The following ME3 variants were observed in gnomAD, a reference collection of about 807,000 sequenced individuals.
ME3 encodes malic enzyme 3, also known as NADP-dependent malic enzyme, mitochondrial.
A neutral mutation model predicts 68.9 loss-of-function variants in ME3; 48 were observed. The observed-to-expected ratio is 0.70, with a 90% CI of 0.55 to 0.89. The LOEUF (loss-of-function observed/expected upper bound fraction) is 0.89. Ranked by LOEUF, ME3 falls within the 40% of genes least tolerant of loss-of-function variation. The pLI is 0.00. For missense variants in ME3, 675 were observed against 797.4 expected (o/e 0.85, Z 1.85); for synonymous variants, 320 against 318.8 (o/e 1.00, Z -0.04).
At chr11:86,574,487 C>A (rs182882517) in intron 2 of ME3, among the ~76,000 whole-genome samples, 1 of 151,984 alleles carries the variant, frequency 6.6e-6, no homozygotes, top group East Asian at 1.9e-4. Flanking sequence ...CACTGAGGCC[C>A]CTCTTCTGCA....
At chr11:86,565,220 CT>C (rs371024118) in intron 2 of ME3, among the ~76,000 whole-genome samples, 113 of 152,170 alleles carry the variant, frequency 7.4e-4, no homozygotes, top group Middle Eastern at 3.4e-3. Flanking sequence ...CACACCCCCC[CT>C]AGGAAACAAG....
chr11:86,598,965 A>G (rs1960095988), intron 2 of ME3, among the ~76,000 whole-genome samples: 1 of 152,220 alleles, frequency 6.6e-6, no homozygotes, highest in Non-Finnish European at 1.5e-5. Flanking sequence ...CACCATCATC[A>G]AAGACAAAAA....
At chr11:86,574,476 A>T (rs569660324) in intron 2 of ME3, among the ~76,000 whole-genome samples, 1 of 150,920 alleles carries the variant, frequency 6.6e-6, no homozygotes, top group Admixed American at 6.6e-5. Context: ...TTTTCTTCTA[A>T]CACTGAGGCC....
At chr11:86,632,274 C>T (rs1944066443) in intron 2 of ME3, among the ~76,000 whole-genome samples, 2 of 151,924 alleles carry the variant, frequency 1.3e-5, no homozygotes, top group South Asian at 4.1e-4. Flanking sequence ...AGGGGCCTCA[C>T]AGTTTGTGGG....
intron 4 of ME3, among the ~76,000 whole-genome samples, chr11:86,529,021 G>GGAGA (rs557608571): frequency 6.6e-6 from 1 of 152,096 alleles, no homozygotes; most frequent in African/African-American, 2.4e-5. Flanking sequence ...CTGAACTGAA[G>GGAGA]GAGAGAGAGA....
At chr11:86,610,651 T>G (rs538907312) in intron 2 of ME3, among the ~76,000 whole-genome samples, 2 of 150,356 alleles carry the variant, frequency 1.3e-5, no homozygotes, top group African/African-American at 2.4e-5. Flanking sequence ...GTAGTTCTCT[T>G]TTGGGCTGTG....
At chr11:86,470,365 C>A (rs1594083829) in intron 7 of ME3, among the ~76,000 whole-genome samples, 3 of 152,252 alleles carry the variant, frequency 2.0e-5, no homozygotes, top group Non-Finnish European at 4.4e-5. Flanking sequence ...TCAGTTGTCA[C>A]CCAATGGAAA....
intron 6 of ME3, 91 bp downstream of exon 6, chr11:86,497,872 G>C: frequency 2.2e-6 from 3 of 1,378,700 alleles, no homozygotes; most frequent in South Asian, 2.8e-5. Flanking sequence ...GCCCATTGCT[G>C]TGTAGATATA....
At chr11:86,481,757 G>C (rs1951422793) in intron 7 of ME3, among the ~76,000 whole-genome samples, 2 of 152,202 alleles carry the variant, frequency 1.3e-5, no homozygotes, top group Admixed American at 6.5e-5. Context: ...TTGCTATTTA[G>C]TTGTGGGAGT....
intron 9 of ME3, 76 bp from the exon 10 acceptor site, chr11:86,450,078 A>T (rs1255138061): frequency 8.0e-7 from 1 of 1,255,360 alleles, no homozygotes; most frequent in East Asian, 2.3e-5. Flanking sequence ...TCTTGCCATA[A>T]GGACCCCCTT....
rs544761966 is a variant in ME3, at chr11:86,520,301, C to A, written c.468-11434G>T. The stretch of plus-strand genomic sequence containing the variant: ...GATGGGGGTTCCTCAATTTCCCACA[C>A]TTGAGATTAACAAGTGCTTAGGCCC... On this transcript the variant is annotated intron_variant, in intron 4 of 14. Coordinates refer to ENST00000543262, the Ensembl canonical transcript of ME3. Among the ~76,000 whole-genome samples the A allele has an allele frequency of 2.6e-5, 4 of 152,338 alleles. No homozygotes were observed. The South Asian group carries it at 6.2e-4, about 24-fold the overall frequency.
intron 5 of ME3, among the ~76,000 whole-genome samples, chr11:86,503,593 A>C (rs1228735565): frequency 6.6e-6 from 1 of 152,226 alleles, no homozygotes; most frequent in Non-Finnish European, 1.5e-5. Flanking sequence ...TGACTGACAA[A>C]AGAGCACTCC....
chr11:86,579,488 A>G (rs1445411363), intron 2 of ME3, among the ~76,000 whole-genome samples: 2 of 152,152 alleles, frequency 1.3e-5, no homozygotes, highest in African/African-American at 4.8e-5. Flanking sequence ...ATAATAGCCA[A>G]GCTCCCTGAG....
intron 4 of ME3, among the ~76,000 whole-genome samples, chr11:86,544,089 T>C (rs901125193): frequency 4.0e-5 from 6 of 151,874 alleles, no homozygotes; most frequent in Non-Finnish European, 7.4e-5. Context: ...CAGAAATAAA[T>C]AAGTTCTTTG....
chr11:86,651,375 G>A (rs1452626475), intron 2 of ME3, among the ~76,000 whole-genome samples: 1 of 152,164 alleles, frequency 6.6e-6, no homozygotes, highest in African/African-American at 2.4e-5. Context: ...TCACATGGCC[G>A]GGTACTCCTC....
At chr11:86,446,745 G>T in intron 12 of ME3, 1 of 596,074 alleles carries the variant, frequency 1.7e-6, no homozygotes, top group Non-Finnish European at 2.9e-6. Flanking sequence ...TCCTGGTGGG[G>T]CCAACCCAGG....
chr11:86,616,453 C>T (rs1397989670), intron 2 of ME3, among the ~76,000 whole-genome samples: 1 of 152,070 alleles, frequency 6.6e-6, no homozygotes, highest in Non-Finnish European at 1.5e-5. Flanking sequence ...ATTTTAAATT[C>T]TTCTTAAATG....
chr11:86,603,397 A>T (rs1443647384), intron 2 of ME3, among the ~76,000 whole-genome samples: 1 of 152,228 alleles, frequency 6.6e-6, no homozygotes, highest in African/African-American at 2.4e-5. Context: ...AACCACAATG[A>T]GATACCATCT....
At chr11:86,624,209 C>T (rs1338962607) in intron 2 of ME3, among the ~76,000 whole-genome samples, 1 of 152,160 alleles carries the variant, frequency 6.6e-6, no homozygotes, top group Non-Finnish European at 1.5e-5. Flanking sequence ...CTTCTCAGCC[C>T]CTAGTTCAGT....
Sources: allele counts gnomAD v4.1 joint callset (sites outside exome capture counted in the v4.1 genomes callset), GRCh38; gene constraint gnomAD v4.1.1; transcripts MANE v1.5; gene names NCBI Gene and HGNC (gene_info 2026-07-23, HGNC 2026-07-21).